Variants in MACROD2 observed in about 807,000 individuals in gnomAD.
MACROD2 encodes mono-ADP ribosylhydrolase 2, also known as ADP-ribose glycohydrolase MACROD2.
A neutral mutation model predicts 70.4 loss-of-function variants in MACROD2; 36 were observed. That is an observed-to-expected ratio of 0.51 (90% CI 0.39 to 0.68). The LOEUF (loss-of-function observed/expected upper bound fraction) is 0.68, where lower values mean the gene tolerates loss of function less well. Ranked by LOEUF, MACROD2 falls within the 30% of genes least tolerant of loss-of-function variation. The pLI is 0.00. For synonymous variants in MACROD2, 172 were observed against 178.8 expected (o/e 0.96, Z 0.30); for missense variants, 496 against 538.4 (o/e 0.92, Z 0.78).
chr20:15,505,667 C>A (rs6043334), intron 8 of MACROD2, among the ~76,000 whole-genome samples: 6,008 of 152,200 alleles, frequency 0.039, 417 homozygotes, highest in African/African-American at 0.13. Flanking sequence ...GATCCCATTG[C>A]TCTGGGCTGG....
At chr20:15,101,642 A>C (rs2075874128) in intron 5 of MACROD2, among the ~76,000 whole-genome samples, 1 of 151,714 alleles carries the variant, frequency 6.6e-6, no homozygotes, top group Admixed American at 6.6e-5. Flanking sequence ...CAGCATCAGC[A>C]GGAAATCCCC....
At chr20:15,764,393 G>A (rs2051488436) in intron 8 of MACROD2, among the ~76,000 whole-genome samples, 1 of 152,068 alleles carries the variant, frequency 6.6e-6, no homozygotes, top group Admixed American at 6.6e-5. Context: ...GTTTTCTACA[G>A]GGATGTCTAA....
intron 8 of MACROD2, among the ~76,000 whole-genome samples, chr20:15,577,765 A>T (rs2048469462): frequency 6.6e-6 from 1 of 152,182 alleles, no homozygotes; most frequent in South Asian, 2.1e-4. Context: ...ACATCTTTTC[A>T]TAAGAGTACA....
intron 5 of MACROD2, among the ~76,000 whole-genome samples, chr20:14,906,471 G>A (rs1012142453): frequency 1.3e-5 from 2 of 152,112 alleles, no homozygotes. Context: ...TCCAGCCTGG[G>A]CAACAGAGTG....
chr20:14,174,284 C>A (rs1281806040), intron 3 of MACROD2, among the ~76,000 whole-genome samples: 1 of 152,056 alleles, frequency 6.6e-6, no homozygotes, highest in Non-Finnish European at 1.5e-5. Context: ...CAAAGATCAT[C>A]AGGTTGGGGG....
intron 3 of MACROD2, among the ~76,000 whole-genome samples, chr20:14,317,624 A>C: frequency 6.6e-6 from 1 of 151,688 alleles, no homozygotes; most frequent in African/African-American, 2.4e-5. Context: ...CTCAAAAAAA[A>C]AAAAAAAAAA....
At chr20:15,182,251 T>C (rs1391443651) in intron 5 of MACROD2, among the ~76,000 whole-genome samples, 1 of 152,078 alleles carries the variant, frequency 6.6e-6, no homozygotes, top group Non-Finnish European at 1.5e-5. Context: ...ATAAGAATAG[T>C]GGAGAGAGGG....
At chr20:14,377,375 C>T (rs1196697615) in intron 3 of MACROD2, among the ~76,000 whole-genome samples, 4 of 152,192 alleles carry the variant, frequency 2.6e-5, no homozygotes, top group Non-Finnish European at 4.4e-5. Context: ...CACCATCACT[C>T]CTGTGTTATT....
chr20:14,560,638 T>C (rs1979372556), intron 4 of MACROD2, among the ~76,000 whole-genome samples: 2 of 151,878 alleles, frequency 1.3e-5, no homozygotes, highest in African/African-American at 4.8e-5. Flanking sequence ...CTGAAGTGAT[T>C]TTCTTGAGAA....
At chr20:15,733,755 A>G (rs1313247869) in intron 8 of MACROD2, among the ~76,000 whole-genome samples, 1 of 152,170 alleles carries the variant, frequency 6.6e-6, no homozygotes, top group African/African-American at 2.4e-5. Context: ...TAAATATGAG[A>G]AGTAGAATCT....
At chr20:14,603,849 T>A (rs1029828914) in intron 4 of MACROD2, among the ~76,000 whole-genome samples, 10 of 152,168 alleles carry the variant, frequency 6.6e-5, no homozygotes, top group Admixed American at 2.0e-4. Context: ...GTATTATTCT[T>A]ATTTAAAATC....
intron 2 of MACROD2, among the ~76,000 whole-genome samples, chr20:14,071,965 G>T (rs1054408882): frequency 6.6e-6 from 1 of 152,186 alleles, no homozygotes; most frequent in Non-Finnish European, 1.5e-5. Flanking sequence ...CAGAATTTCA[G>T]TGTAAACAAA....
At chr20:15,185,751 G>T (rs1283142510) in intron 5 of MACROD2, among the ~76,000 whole-genome samples, 1 of 152,104 alleles carries the variant, frequency 6.6e-6, no homozygotes, top group East Asian at 1.9e-4. Flanking sequence ...TGAACCAGAG[G>T]CCATCCTCCT....
intron 5 of MACROD2, among the ~76,000 whole-genome samples, chr20:14,875,468 A>T (rs1411025405): frequency 7.9e-5 from 12 of 152,188 alleles, no homozygotes; most frequent in Non-Finnish European, 1.8e-4. Context: ...ACTGGAAAGC[A>T]TTTAAGTATT....
intron 8 of MACROD2, among the ~76,000 whole-genome samples, chr20:15,615,634 GCCACACACTA>G (rs2049026761): frequency 6.6e-6 from 1 of 152,074 alleles, no homozygotes. Flanking sequence ...GTGACCACAG[GCCACACACTA>G]CCACACCCAC....
intron 9 of MACROD2, among the ~76,000 whole-genome samples, chr20:15,869,252 G>T (rs1224784311): frequency 6.5e-5 from 8 of 122,628 alleles, no homozygotes; most frequent in Non-Finnish European, 9.0e-5. Flanking sequence ...GAGAGAGAGA[G>T]AGAGAGAGAG....
At chr20:14,546,822 G>A (rs905363709) in intron 4 of MACROD2, among the ~76,000 whole-genome samples, 2 of 151,974 alleles carry the variant, frequency 1.3e-5, no homozygotes, top group East Asian at 3.9e-4. Flanking sequence ...ATTGTTCCTA[G>A]CAAAAATGTG....
At chr20:14,831,872 C>T (rs1032070648) in intron 5 of MACROD2, among the ~76,000 whole-genome samples, 4 of 139,404 alleles carry the variant, frequency 2.9e-5, no homozygotes, top group African/African-American at 1.0e-4. Context: ...TCATCGTTTT[C>T]GTTTGTTGTT....
intron 5 of MACROD2, among the ~76,000 whole-genome samples, chr20:14,950,767 G>A (rs578245331): frequency 3.3e-5 from 5 of 152,124 alleles, no homozygotes. Context: ...TTATTTCCTG[G>A]GCCTCTGAGA....
Sources: gnomAD v4.1 joint callset for allele counts (sites outside exome capture counted in the v4.1 genomes callset) on GRCh38, gnomAD v4.1.1 for gene constraint, MANE v1.5 for transcripts, NCBI Gene and HGNC (gene_info 2026-07-23, HGNC 2026-07-21) for gene names.